Variants in PALS2 observed in about 807,000 individuals in gnomAD.
PALS2 encodes protein PALS2.
In PALS2, 27 loss-of-function variants were observed where a neutral mutation model predicts 61.6. The ratio of observed to expected loss-of-function variants is 0.44; its 90% CI spans 0.32 to 0.60. The LOEUF is 0.60. Ranked by LOEUF, PALS2 falls within the 20% of genes least tolerant of loss-of-function variation. The pLI is 0.05. For missense variants in PALS2, 554 were observed against 639.4 expected, an observed-to-expected ratio of 0.87 and a Z score of 1.44; for synonymous variants, 236 against 218.6, an observed-to-expected ratio of 1.08 and a Z score of -0.70.
intron 8 of PALS2, among the ~76,000 whole-genome samples, chr7:24,667,145 G>A (rs2128088362): frequency 6.6e-6 from 1 of 152,064 alleles, no homozygotes; most frequent in East Asian, 1.9e-4. Flanking sequence ...TACAGATTGA[G>A]AGTTACAGTA....
intron 1 of PALS2, among the ~76,000 whole-genome samples, chr7:24,610,059 C>A (rs940192578): frequency 2.6e-5 from 4 of 152,008 alleles, no homozygotes; most frequent in Non-Finnish European, 4.4e-5. Flanking sequence ...TTCTTAACAC[C>A]CCACCAAACC....
chr7:24,687,593 C>G lies in PALS2; in HGVS notation c.1602C>G (p.Val534=), dbSNP rs755670924. Residue 534 remains valine, a synonymous_variant, in exon 12 of 12, where the codon GTC becomes GTG. Transcript: ENST00000222644. The surrounding 1 kb of genome is among the most constrained non-coding windows in gnomAD (Gnocchi z 4.5). ...AACTGAGAATGGAACCACAGTGGGT[C>G]CCAATCAGCTGGGTTTACTGATGAT... The part of the protein sequence containing the change: ...IEKLRMEPQW[V]PISWVY The G allele has an allele frequency of 1.4e-5, 22 of 1,608,474 alleles. No individual in the cohort carries two copies. Among genetic ancestry groups the G allele is most frequent in the Non-Finnish European group, 1.9e-5 (22 of 1,178,386 alleles).
chr7:24,655,695 G>GGCGTGATCTTGGCTCACTGCAGCA (rs1294882026), intron 5 of PALS2, among the ~76,000 whole-genome samples: 8 of 140,458 alleles, frequency 5.7e-5, no homozygotes, highest in East Asian at 4.3e-4. Context: ...GGAGTGCAGT[G>GGCGTGATCTTGGCTCACTGCAGCA]GCGTGATCTT....
chr7:24,680,553 C>A (rs747032078), intron 11 of PALS2, 33 bp downstream of exon 11: 4 of 1,588,210 alleles, frequency 2.5e-6, no homozygotes, highest in Non-Finnish European at 3.4e-6. Context: ...CTTCTAAAAT[C>A]TTTCCTTTTC....
Position 24,687,797 on chromosome 7 carries a change from C to T in PALS2, c.*183C>T. The stretch of plus-strand genomic sequence containing the variant: ...ATATAAAATGTGGTTGGAAGGTGTA[C>T]TAATATATAATTTATCTTAATTTTT... On this transcript the variant is annotated 3_prime_UTR_variant, in exon 12 of 12. Transcript: ENST00000222644. The surrounding 1 kb of genome is among the most constrained non-coding windows in gnomAD (Gnocchi z 4.5). The T allele has an allele frequency of 2.2e-6, 1 of 461,938 alleles. No homozygotes were observed. The highest frequency in any genetic ancestry group is 3.7e-5 in the East Asian group (1 of 27,208). The allele number at this position is 461,938 out of a possible 1,614,324, so 28.6% of individuals were successfully genotyped here.
At chr7:24,658,461 C>A (rs564590569) in intron 5 of PALS2, among the ~76,000 whole-genome samples, 1 of 151,976 alleles carries the variant, frequency 6.6e-6, no homozygotes, top group Non-Finnish European at 1.5e-5. Context: ...TCCCTCTTTG[C>A]GTGCTTGGCC....
chr7:24,650,244 T>C (rs1786068619), intron 4 of PALS2, among the ~76,000 whole-genome samples: 1 of 152,146 alleles, frequency 6.6e-6, no homozygotes, highest in Non-Finnish European at 1.5e-5. Flanking sequence ...AATGCACAAA[T>C]ACCTTTTCCT....
intron 3 of PALS2, among the ~76,000 whole-genome samples, chr7:24,648,586 G>A (rs1785967089): frequency 6.6e-6 from 1 of 151,710 alleles, no homozygotes; most frequent in African/African-American, 2.4e-5. Flanking sequence ...GAGCCACCGC[G>A]CCTGCCCTAA....
chr7:24,638,322 CTTTTTTTTTTTTTTTTTTTT>C (rs749421698), intron 2 of PALS2, among the ~76,000 whole-genome samples: 1 of 11,926 alleles, frequency 8.4e-5, no homozygotes, highest in Non-Finnish European at 1.2e-4. Context: ...TCTGTATTTT[CTTTTTTTTTTTTTTTTTTTT>C]TTTTTTGAGA....
At chr7:24,658,124 C>G (rs2721802) in intron 5 of PALS2, among the ~76,000 whole-genome samples, 23,794 of 151,992 alleles carry the variant, frequency 0.16, 1,893 homozygotes, top group Non-Finnish European at 0.17. Context: ...CCTTTTTTCT[C>G]TGTATTTTTC....
chr7:24,628,118 A>G (rs1229642558), intron 2 of PALS2, among the ~76,000 whole-genome samples: 3 of 152,222 alleles, frequency 2.0e-5, no homozygotes, highest in Non-Finnish European at 2.9e-5. Context: ...AAAATCCTCA[A>G]TAAAATACTG....
chr7:24,650,499 G>T lies in PALS2; in HGVS notation c.438G>T (p.Arg146Ser). Residue 146 changes from arginine (R) to serine (S), a missense_variant, in exon 5 of 12, where the codon AGG becomes AGT. Coordinates refer to ENST00000222644, the MANE Select transcript of PALS2 (RefSeq NM_001303037.2). ...ATTTTTCATAGGGTGTGACATTTAGGGTTGAAAATAATGATCTGGTAATTG... is the reference window on the plus strand; with the variant it reads ...ATTTTTCATAGGGTGTGACATTTAGTGTTGAAAATAATGATCTGGTAATTG... The part of the protein sequence containing the change: ...RAGEPLGVTF[R>S]VENNDLVIAR... 2.5e-6 allele frequency: 4 copies of T among 1,600,124 alleles called. No homozygotes were observed. The highest frequency in any genetic ancestry group is 3.4e-6 in the Non-Finnish European group (4 of 1,175,492).
At position 24,575,947 on chromosome 7, in the gene PALS2, G is replaced by C. The variant is rs1287160953; in HGVS notation, c.-3+2354G>C. On this transcript the variant is annotated intron_variant, in intron 1 of 11. Transcript: ENST00000222644. ...TTTTTCCTTCCAGAGTGATTCACTT[G>C]ATGAGTGACTAGATTTTTTTTTTTT... Among the ~76,000 whole-genome samples the C allele has an allele frequency of 3.3e-5, 5 of 152,106 alleles. No individual in the cohort carries two copies. The East Asian group carries it at 9.6e-4, about 29-fold the overall frequency.
intron 9 of PALS2, among the ~76,000 whole-genome samples, chr7:24,672,176 G>T (rs1787329780): frequency 2.7e-5 from 4 of 150,534 alleles, no homozygotes; most frequent in Admixed American, 2.6e-4. Flanking sequence ...CAGTAACTTG[G>T]CCTTGAGGAC....
intron 11 of PALS2, 134 bp downstream of exon 11, chr7:24,680,654 GAT>G: frequency 3.4e-6 from 4 of 1,185,446 alleles, no homozygotes; most frequent in South Asian, 3.5e-5. Context: ...GGAGTGCATT[GAT>G]GCGATCTCAG....
In PALS2 at chr7:24,638,322, C is replaced by CTTTTTTTTTT. The variant is rs749421698; in HGVS notation, c.118-3377_118-3368dup. ...TTTCTCCCTTCAATTTCTGTATTTT[C>CTTTTTTTTTT]TTTTTTTTTTTTTTTTTTTTTTTTT... On this transcript the variant is annotated intron_variant, in intron 2 of 11. Transcript: ENST00000222644. 6.3e-3 allele frequency among the ~76,000 whole-genome samples: 75 copies of CTTTTTTTTTT among 11,914 alleles called. 28 individuals carry two copies. Among genetic ancestry groups the CTTTTTTTTTT allele is most frequent in the Non-Finnish European group, 7.7e-3 (65 of 8,414 alleles). 7.8% of individuals were successfully genotyped at this position (11,914 alleles called of 152,430 possible). A position where few individuals can be genotyped will look rare whatever the true frequency, so the allele number is the denominator to read the frequency against.
chr7:24,635,487 T>C lies in PALS2; in HGVS notation c.118-6229T>C, dbSNP rs1166273732. On this transcript the variant is annotated intron_variant, in intron 2 of 11. Transcript: ENST00000222644. ...AGGATTTTCTAAATACAAGGTCATGTCATCTGAATATAGACAGTTTTATTT... is the reference window on the plus strand; with the variant it reads ...AGGATTTTCTAAATACAAGGTCATGCCATCTGAATATAGACAGTTTTATTT... Among the ~76,000 whole-genome samples the C allele has an allele frequency of 2.6e-5, 4 of 152,192 alleles. No individual in the cohort carries two copies. The East Asian group carries it at 7.7e-4, about 29-fold the overall frequency.
intron 1 of PALS2, among the ~76,000 whole-genome samples, chr7:24,615,606 C>T (rs879189513): frequency 6.6e-6 from 1 of 151,806 alleles, no homozygotes; most frequent in African/African-American, 2.4e-5. Flanking sequence ...AAAAAAAAGA[C>T]TCCCAACAAA....
chr7:24,596,423 A>G lies in PALS2; in HGVS notation c.-3+22830A>G, dbSNP rs183216803. ...ATTATTTTGAAAACAGACCCTATCAATGAAATTTATTCTAAAATTACATAG... is the reference window on the plus strand; with the variant it reads ...ATTATTTTGAAAACAGACCCTATCAGTGAAATTTATTCTAAAATTACATAG... On this transcript the variant is annotated intron_variant, in intron 1 of 11. Transcript: ENST00000222644. The surrounding 1 kb of genome is among the most constrained non-coding windows in gnomAD (Gnocchi z 4.5). Among the ~76,000 whole-genome samples, 1 of 152,318 alleles carries G rather than the reference A, an allele frequency of 6.6e-6. No homozygotes were observed. The highest frequency in any genetic ancestry group is 6.5e-5 in the Admixed American group (1 of 15,282).
Sources: gnomAD v4.1 joint callset for allele counts (sites outside exome capture counted in the v4.1 genomes callset) on GRCh38, gnomAD v4.1.1 for gene constraint, Gnocchi (gnomAD v3.1) non-coding constraint, MANE v1.5 for transcripts, NCBI Gene and HGNC (gene_info 2026-07-23, HGNC 2026-07-21) for gene names.